The following CNTN4 variants were observed in gnomAD, a reference collection of about 807,000 sequenced individuals.
The protein encoded by CNTN4 is contactin-4.
Under a neutral mutation model 122.5 loss-of-function variants are expected in CNTN4, and 77 were observed. The ratio of observed to expected loss-of-function variants is 0.63; its 90% confidence interval spans 0.52 to 0.76. The LOEUF (loss-of-function observed/expected upper bound fraction) is 0.76, where lower values mean the gene tolerates loss of function less well. CNTN4 is among the 30% of genes least tolerant of loss of function. The probability of loss-of-function intolerance (pLI) is 0.00; values close to 1 mark genes in which losing one functional copy is unlikely to be tolerated. For synonymous variants in CNTN4, 512 were observed against 447.0 expected (o/e 1.15, Z -1.83); for missense variants, 1,256 against 1,259.1 (o/e 1.00, Z 0.04).
intron 2 of CNTN4, among the ~76,000 whole-genome samples, chr3:2,275,332 G>A (rs1299999601): frequency 2.6e-5 from 4 of 152,128 alleles, no homozygotes; most frequent in East Asian, 1.9e-4. Flanking sequence ...TGGAGAATAC[G>A]TGATTTATGT....
chr3:2,774,996 G>A (rs968777146), intron 6 of CNTN4, among the ~76,000 whole-genome samples: 2 of 152,222 alleles, frequency 1.3e-5, no homozygotes, highest in Non-Finnish European at 2.9e-5. Context: ...CAAAAGGCTA[G>A]TTGTGCTTAT....
chr3:2,836,028 GT>G (rs1219672452), intron 7 of CNTN4, among the ~76,000 whole-genome samples: 1 of 151,916 alleles, frequency 6.6e-6, no homozygotes, highest in Non-Finnish European at 1.5e-5. Flanking sequence ...AAAATGATAA[GT>G]TAAAAAGAGC....
chr3:2,142,375 T>C (rs2035035139), intron 2 of CNTN4, among the ~76,000 whole-genome samples: 2 of 152,148 alleles, frequency 1.3e-5, no homozygotes, highest in South Asian at 2.1e-4. Flanking sequence ...TTCTTTCTTT[T>C]TTTTTTAAAG....
intron 8 of CNTN4, among the ~76,000 whole-genome samples, chr3:2,878,605 G>A (rs2150947989): frequency 1.4e-5 from 2 of 143,474 alleles, no homozygotes; most frequent in Middle Eastern, 3.9e-3. Context: ...CTGTCTGTCT[G>A]TCTAGCTAGC....
chr3:2,940,502 G>A (rs538486566), intron 13 of CNTN4, among the ~76,000 whole-genome samples: 2 of 152,190 alleles, frequency 1.3e-5, no homozygotes, highest in Admixed American at 6.5e-5. Flanking sequence ...CTGCAAGAGA[G>A]TGACATATTT....
chr3:3,039,956 T>G, intron 19 of CNTN4, 81 bp from the exon 20 acceptor site: 1 of 937,098 alleles, frequency 1.1e-6, no homozygotes, highest in East Asian at 2.4e-5. Context: ...TAGACAAGAA[T>G]GTTACAAGGG....
intron 13 of CNTN4, among the ~76,000 whole-genome samples, chr3:2,961,738 C>G (rs2094861950): frequency 6.6e-6 from 1 of 152,126 alleles, no homozygotes; most frequent in Non-Finnish European, 1.5e-5. Flanking sequence ...ATGCTTTAAA[C>G]AGGGCTTAGA....
chr3:2,113,432 A>G (rs537480497), intron 2 of CNTN4, among the ~76,000 whole-genome samples: 2 of 152,316 alleles, frequency 1.3e-5, no homozygotes, highest in African/African-American at 4.8e-5. Flanking sequence ...GGAGCTTGTG[A>G]GAAATGCAGA....
intron 4 of CNTN4, among the ~76,000 whole-genome samples, chr3:2,614,542 A>G (rs776647596): frequency 1.3e-5 from 2 of 152,178 alleles, no homozygotes; most frequent in Non-Finnish European, 2.9e-5. Context: ...AGTGAAATGT[A>G]CAAAAATTGA....
At chr3:2,393,969 G>A (rs571010502) in intron 3 of CNTN4, among the ~76,000 whole-genome samples, 1 of 152,094 alleles carries the variant, frequency 6.6e-6, no homozygotes. Flanking sequence ...GGGTGCAAAA[G>A]TAATTGTGGT....
chr3:2,157,094 C>G (rs1314218080), intron 2 of CNTN4, among the ~76,000 whole-genome samples: 1 of 151,650 alleles, frequency 6.6e-6, no homozygotes, highest in African/African-American at 2.4e-5. Flanking sequence ...TCAAATGTAT[C>G]TTCACTAAAA....
chr3:2,299,497 C>G (rs2042428918), intron 2 of CNTN4, among the ~76,000 whole-genome samples: 2 of 152,036 alleles, frequency 1.3e-5, no homozygotes, highest in African/African-American at 4.8e-5. Context: ...CTTCAAAGTC[C>G]ATTATATCAC....
chr3:2,250,082 A>G (rs558415571), intron 2 of CNTN4, among the ~76,000 whole-genome samples: 1 of 151,956 alleles, frequency 6.6e-6, no homozygotes, highest in Non-Finnish European at 1.5e-5. Context: ...TGGGTCTCAT[A>G]TAGAGAAGAT....
intron 3 of CNTN4, among the ~76,000 whole-genome samples, chr3:2,347,621 G>A (rs1240032291): frequency 6.6e-6 from 1 of 151,822 alleles, no homozygotes; most frequent in Middle Eastern, 3.2e-3. Flanking sequence ...TGTTGGCCAG[G>A]CTGGTCTCAA....
chr3:2,338,098 CAT>C (rs1336774284), intron 2 of CNTN4, among the ~76,000 whole-genome samples: 6 of 152,108 alleles, frequency 3.9e-5, no homozygotes, highest in South Asian at 2.1e-4. Flanking sequence ...TTTTCTTACA[CAT>C]GTCATCATTT....
intron 2 of CNTN4, among the ~76,000 whole-genome samples, chr3:2,152,846 G>C (rs1257674036): frequency 6.6e-6 from 1 of 152,160 alleles, no homozygotes; most frequent in African/African-American, 2.4e-5. Context: ...AGCCTCTTGT[G>C]ATGCAGTCAT....
At chr3:2,659,460 C>CA (rs59025670) in intron 4 of CNTN4, among the ~76,000 whole-genome samples, 2,552 of 53,214 alleles carry the variant, frequency 0.048, 67 homozygotes, top group Middle Eastern at 0.08. Context: ...GACTCCATCT[C>CA]AAAAAAAAAA....
chr3:2,750,294 C>T (rs915294796), intron 6 of CNTN4, among the ~76,000 whole-genome samples: 1 of 152,140 alleles, frequency 6.6e-6, no homozygotes, highest in African/African-American at 2.4e-5. Flanking sequence ...TACATACTTT[C>T]TATAATTTTA....
At chr3:3,014,616 GGA>G (rs1392580607) in intron 14 of CNTN4, among the ~76,000 whole-genome samples, 5 of 151,618 alleles carry the variant, frequency 3.3e-5, no homozygotes, top group Non-Finnish European at 7.4e-5. Context: ...ATGTCTTTGT[GGA>G]GTAGAGGATT....
Sources: allele counts gnomAD v4.1 joint callset (sites outside exome capture counted in the v4.1 genomes callset), GRCh38; gene constraint gnomAD v4.1.1; transcripts MANE v1.5; gene names NCBI Gene and HGNC (gene_info 2026-07-23, HGNC 2026-07-21).